MEI1: variants seen among roughly 807,000 people sequenced by gnomAD.
MEI1 encodes meiosis inhibitor protein 1.
MEI1 carries 103 observed loss-of-function variants against 146.2 expected under a neutral mutation model. The ratio of observed to expected loss-of-function variants is 0.70; its 90% CI spans 0.60 to 0.83. The LOEUF (loss-of-function observed/expected upper bound fraction) is 0.83. Ranked by LOEUF, MEI1 falls within the 40% of genes least tolerant of loss-of-function variation. The probability of loss-of-function intolerance (pLI) is 0.00; values close to 1 mark genes in which losing one functional copy is unlikely to be tolerated. For synonymous variants in MEI1, 652 were observed against 628.2 expected (o/e 1.04, Z -0.57); for missense variants, 1,529 against 1,533.0 (o/e 1.00, Z 0.04).
Position 41,723,093 on chromosome 22 carries a change from A to G in MEI1, c.734-850A>G, listed in dbSNP as rs547686277. 1.5e-3 allele frequency among the ~76,000 whole-genome samples: 224 copies of G among 152,312 alleles called. 2 individuals carry two copies. In the South Asian group the frequency reaches 0.046, roughly 31 times the overall value. On this transcript the variant is annotated intron_variant, in intron 6 of 30. Coordinates refer to ENST00000401548, the MANE Select transcript of MEI1 (RefSeq NM_152513.4). ...ATTTTTCAGATTCAGCTTAAATGGT[A>G]CTTGCTGATGGAAGGCTTTACTGAT...
intron 5 of MEI1, 47 bp from the exon 6 acceptor site, chr22:41,718,024 T>G: frequency 6.9e-7 from 1 of 1,447,366 alleles, no homozygotes; most frequent in Non-Finnish European, 9.6e-7. Context: ...CATATAGCAG[T>G]TGACATTGTG....
Position 41,718,249 on chromosome 22 carries a change from A to C in MEI1, c.708A>C (p.Thr236=), listed in dbSNP as rs1277623835. 2 of 1,613,846 alleles carry C rather than the reference A, an allele frequency of 1.2e-6. No homozygotes were observed. The highest frequency in any genetic ancestry group is 4.5e-5 in the East Asian group (2 of 44,900). Residue 236 remains threonine, a synonymous_variant, in exon 6 of 31, where the codon ACA becomes ACC. Transcript: ENST00000401548. ...TTTCCATCCTGGATGGTGCCCAGACAAAGGAGCTGCAGATTAACTGCTTGG... is the reference window on the plus strand; with the variant it reads ...TTTCCATCCTGGATGGTGCCCAGACCAAGGAGCTGCAGATTAACTGCTTGG... ...LFLSILDGAQ[T]KELQINCLGL...
intron 22 of MEI1, among the ~76,000 whole-genome samples, chr22:41,780,576 C>CTTTTTTTTTTTTTTTT (rs150215660): frequency 8.2e-6 from 1 of 121,538 alleles, no homozygotes. Flanking sequence ...GAATTTTTTT[C>CTTTTTTTTTTTTTTTT]TTTTCTTTTT....
intron 7 of MEI1, 98 bp from the exon 8 acceptor site, chr22:41,729,567 C>A: frequency 2.7e-6 from 2 of 738,410 alleles, no homozygotes; most frequent in Non-Finnish European, 4.7e-6. Context: ...CAGGAAGGAT[C>A]GAAAATGAAT....
At chr22:41,756,883 A>G (rs973146225) in intron 17 of MEI1, among the ~76,000 whole-genome samples, 9 of 152,214 alleles carry the variant, frequency 5.9e-5, no homozygotes, top group Non-Finnish European at 1.0e-4. Context: ...CTTAAGTGGC[A>G]TTTGCTTAAA....
chr22:41,717,399 G>T (rs555562021), intron 5 of MEI1, among the ~76,000 whole-genome samples: 1 of 152,050 alleles, frequency 6.6e-6, no homozygotes, highest in African/African-American at 2.4e-5. Flanking sequence ...CTGACTTCAA[G>T]TGATCTGCCC....
chr22:41,765,875 A>G (rs1160817049), intron 19 of MEI1, among the ~76,000 whole-genome samples: 2 of 150,132 alleles, frequency 1.3e-5, no homozygotes, highest in East Asian at 3.9e-4. Context: ...TCACTATACC[A>G]AAATGTTCTT....
At chr22:41,704,369 G>T (rs1421587514) in intron 2 of MEI1, among the ~76,000 whole-genome samples, 1 of 151,384 alleles carries the variant, frequency 6.6e-6, no homozygotes, top group African/African-American at 2.4e-5. Context: ...AGACACCAGA[G>T]CACATGGGGT....
At chr22:41,737,659 A>G (rs948265769) in intron 11 of MEI1, among the ~76,000 whole-genome samples, 1 of 151,784 alleles carries the variant, frequency 6.6e-6, no homozygotes, top group Non-Finnish European at 1.5e-5. Context: ...TTTCTGCCTC[A>G]GCCTCCCAAA....
At chr22:41,736,332 T>C (rs2072362657) in intron 11 of MEI1, among the ~76,000 whole-genome samples, 2 of 151,486 alleles carry the variant, frequency 1.3e-5, no homozygotes, top group Admixed American at 6.6e-5. Flanking sequence ...TCACTGCAAG[T>C]TGTGCCTCCC....
rs1360646856 is a variant in MEI1, at chr22:41,705,493, T to A, written c.299-11T>A. On this transcript the variant is annotated splice_polypyrimidine_tract_variant and intron_variant, in intron 2 of 30. Coordinates refer to ENST00000401548, the MANE Select transcript of MEI1 (RefSeq NM_152513.4). ...CCTAACCACCCCTTTCTTACCTCCCTCTGCTCCAAGGACTATTATGCAGCA... is the reference window on the plus strand; with the variant it reads ...CCTAACCACCCCTTTCTTACCTCCCACTGCTCCAAGGACTATTATGCAGCA... 1 of 1,613,496 alleles carries A rather than the reference T, an allele frequency of 6.2e-7. No homozygotes were observed. The highest frequency in any genetic ancestry group is 8.5e-7 in the Non-Finnish European group (1 of 1,179,516).
chr22:41,792,827 T>C (rs565865019), intron 26 of MEI1, among the ~76,000 whole-genome samples: 88 of 152,094 alleles, frequency 5.8e-4, no homozygotes, highest in African/African-American at 2.0e-3. Context: ...GGGTACCTAG[T>C]AGTTTTAATT....
chr22:41,773,562 A>T (rs1405694585), intron 20 of MEI1, among the ~76,000 whole-genome samples: 5 of 914 alleles, frequency 5.5e-3, no homozygotes, highest in African/African-American at 0.015. Flanking sequence ...ATCAATGGTA[A>T]AAAAAAAAAA....
intron 26 of MEI1, among the ~76,000 whole-genome samples, chr22:41,789,003 A>C (rs1240704088): frequency 6.6e-5 from 10 of 152,104 alleles, no homozygotes; most frequent in Non-Finnish European, 2.9e-5. Context: ...TGCCCAGCTA[A>C]TTTTAAAATA....
rs144835710 is a variant in MEI1 at position 41,731,440 on chromosome 22, T to C, written c.1096+803T>C. The stretch of plus-strand genomic sequence containing the variant: ...CTTGGATCACGGCAACCTCTGCCTC[T>C]GCCTCCCAGGTTCAAGCACTTCTCT... On this transcript the variant is annotated intron_variant, in intron 9 of 30. Coordinates refer to ENST00000401548, the MANE Select transcript of MEI1 (RefSeq NM_152513.4). 1.4e-3 allele frequency among the ~76,000 whole-genome samples: 217 copies of C among 152,252 alleles called. 2 individuals are homozygous for C. In the East Asian group the frequency reaches 0.015, roughly 11 times the overall value.
intron 7 of MEI1, among the ~76,000 whole-genome samples, chr22:41,727,941 T>C (rs2071511959): frequency 1.3e-5 from 2 of 152,128 alleles, no homozygotes; most frequent in South Asian, 4.1e-4. Flanking sequence ...TGTACCAAAA[T>C]TCCAGACTCC....
At position 41,784,629 on chromosome 22, in the gene MEI1, G is replaced by C. The variant is rs567497804; in HGVS notation, c.3191G>C (p.Arg1064Pro). Reference protein sequence around the residue: ...LLSAAILCFLRTALRQSFSSA... With the variant: ...LLSAAILCFLPTALRQSFSSA... Reference sequence around the variant, plus strand: ...CCAGCTGCCATCTTATGCTTCCTGCGGACAGCCCTGCGACAAAGCTTTTCC... The same window carrying C: ...CCAGCTGCCATCTTATGCTTCCTGCCGACAGCCCTGCGACAAAGCTTTTCC... The change falls in exon 26 of 31, where the codon CGG becomes CCG. Residue 1064 changes from arginine to proline, a missense_variant. This residue lies in a region of MEI1 where 313 missense variants were observed against 337.3 expected (regional missense o/e 0.93). Transcript: ENST00000401548. 1 of 1,612,912 alleles carries C rather than the reference G, an allele frequency of 6.2e-7. No individual in the cohort carries two copies. The highest frequency in any genetic ancestry group is 2.2e-5 in the East Asian group (1 of 44,872).
At chr22:41,766,082 G>A (rs758079518) in intron 19 of MEI1, among the ~76,000 whole-genome samples, 7 of 151,558 alleles carry the variant, frequency 4.6e-5, no homozygotes, top group African/African-American at 1.5e-4. Flanking sequence ...TAGTAGAGAC[G>A]GGGTTTCACC....
At chr22:41,775,594 CTTT>C (rs532068296) in intron 20 of MEI1, among the ~76,000 whole-genome samples, 6 of 134,680 alleles carry the variant, frequency 4.5e-5, no homozygotes, top group Admixed American at 7.7e-5. Flanking sequence ...TGGACCTATT[CTTT>C]TTTTTTTTTT....
Sources: gnomAD v4.1 joint callset for allele counts (sites outside exome capture counted in the v4.1 genomes callset) on GRCh38, gnomAD v4.1.1 for gene constraint, gnomAD v4.1.1 regional missense constraint, MANE v1.5 for transcripts, NCBI Gene and HGNC (gene_info 2026-07-23, HGNC 2026-07-21) for gene names.